NBEA: variants seen among roughly 807,000 people sequenced by gnomAD.
NBEA encodes neurobeachin.
In NBEA, 44 loss-of-function variants were observed where a neutral mutation model predicts 343.4. The ratio of observed to expected loss-of-function variants is 0.13; its 90% CI spans 0.10 to 0.16. NBEA has a LOEUF of 0.16. Among genes scored for constraint, NBEA ranks in the 10% least tolerant of loss-of-function variants. The pLI is 1.00. For missense variants in NBEA, 2,555 were observed against 3,631.3 expected (o/e 0.70, Z 7.62); for synonymous variants, 1,175 against 1,238.7 (o/e 0.95, Z 1.08).
At chr13:35,462,807 A>G (rs946407540) in intron 40 of NBEA, among the ~76,000 whole-genome samples, 1 of 152,124 alleles carries the variant, frequency 6.6e-6, no homozygotes, top group Non-Finnish European at 1.5e-5. Context: ...TTAGAAGGTA[A>G]TTTGTGGAGG....
At chr13:35,084,506 T>C (rs1352285224) in intron 10 of NBEA, among the ~76,000 whole-genome samples, 2 of 152,008 alleles carry the variant, frequency 1.3e-5, no homozygotes, top group Admixed American at 1.3e-4. Flanking sequence ...GAAACGAAGG[T>C]ATAAATAAAA....
intron 8 of NBEA, among the ~76,000 whole-genome samples, chr13:35,061,316 A>C (rs1272226438): frequency 1.3e-5 from 2 of 151,730 alleles, no homozygotes; most frequent in Non-Finnish European, 3.0e-5. Flanking sequence ...TTGGAAAATA[A>C]AATACAGAAA....
At chr13:35,258,823 A>T (rs2032923401) in intron 34 of NBEA, among the ~76,000 whole-genome samples, 1 of 152,194 alleles carries the variant, frequency 6.6e-6, no homozygotes, top group African/African-American at 2.4e-5. Flanking sequence ...GTATGTATTC[A>T]GTGGAAACTG....
Position 35,452,096 on chromosome 13 carries a change from GGAA to G in NBEA, c.6315_6317del (p.Glu2105del), listed in dbSNP as rs1200848195. ...TTATATTTTTGTTGTGATTAGGCAC[GGAA>G]GAAGATGTAGTAAAGTCAAAGAAAA... On this transcript the variant is annotated inframe_deletion, in exon 40 of 59. Transcript: ENST00000379939. 1 of 1,610,396 alleles carries G rather than the reference GGAA, an allele frequency of 6.2e-7. No individual in the cohort carries two copies. The highest frequency in any genetic ancestry group is 1.3e-5 in the African/African-American group (1 of 74,720).
At chr13:35,124,615 T>C (rs1467379765) in intron 17 of NBEA, among the ~76,000 whole-genome samples, 2 of 145,286 alleles carry the variant, frequency 1.4e-5, no homozygotes, top group Non-Finnish European at 3.1e-5. Flanking sequence ...TACACATACA[T>C]ATATATGGAT....
intron 5 of NBEA, among the ~76,000 whole-genome samples, chr13:35,049,485 A>G (rs909442623): frequency 1.3e-5 from 2 of 151,814 alleles, no homozygotes; most frequent in African/African-American, 2.4e-5. Flanking sequence ...TCTTTGTATA[A>G]TGGCTGGGTC....
intron 41 of NBEA, among the ~76,000 whole-genome samples, chr13:35,490,758 C>G (rs1455934165): frequency 2.6e-5 from 4 of 151,814 alleles, no homozygotes; most frequent in Non-Finnish European, 5.9e-5. Flanking sequence ...GTACCTTCAT[C>G]TTCTCAACAC....
intron 10 of NBEA, among the ~76,000 whole-genome samples, chr13:35,081,600 A>G (rs1376752849): frequency 6.6e-6 from 1 of 151,886 alleles, no homozygotes; most frequent in Non-Finnish European, 1.5e-5. Flanking sequence ...TGTGTGAGGC[A>G]TTTGAGAAAA....
At chr13:35,485,095 A>G (rs2076262958) in intron 41 of NBEA, among the ~76,000 whole-genome samples, 1 of 152,080 alleles carries the variant, frequency 6.6e-6, no homozygotes, top group Non-Finnish European at 1.5e-5. Flanking sequence ...GCCAAGGAAT[A>G]TTTTTAAATA....
chr13:35,293,542 T>G (rs190144471), intron 35 of NBEA, among the ~76,000 whole-genome samples: 1 of 152,152 alleles, frequency 6.6e-6, no homozygotes, highest in African/African-American at 2.4e-5. Context: ...AGTACAAGGT[T>G]TTCTACAGAT....
intron 36 of NBEA, among the ~76,000 whole-genome samples, chr13:35,318,734 GC>G (rs778640361): frequency 6.6e-6 from 1 of 151,672 alleles, no homozygotes; most frequent in Non-Finnish European, 1.5e-5. Context: ...CTGGTCCTGG[GC>G]TTTTTTTGTT....
At chr13:35,471,919 C>A (rs1460718439) in intron 40 of NBEA, among the ~76,000 whole-genome samples, 1 of 152,142 alleles carries the variant, frequency 6.6e-6, no homozygotes, top group Non-Finnish European at 1.5e-5. Context: ...CTCTGAACAG[C>A]GGAATTTATC....
chr13:35,491,139 A>G (rs2076485946), intron 41 of NBEA, among the ~76,000 whole-genome samples: 1 of 151,970 alleles, frequency 6.6e-6, no homozygotes, highest in South Asian at 2.1e-4. Flanking sequence ...TTCTGAGTTT[A>G]TGTAGCATCA....
At chr13:35,627,467 G>A (rs2083278705) in intron 48 of NBEA, among the ~76,000 whole-genome samples, 1 of 151,674 alleles carries the variant, frequency 6.6e-6, no homozygotes, top group Admixed American at 6.6e-5. Flanking sequence ...TCTGTTTATG[G>A]AAACTTAGTA....
At chr13:35,212,056 AAC>A (rs1387288178) in intron 33 of NBEA, among the ~76,000 whole-genome samples, 2 of 151,972 alleles carry the variant, frequency 1.3e-5, no homozygotes, top group African/African-American at 4.8e-5. Context: ...ATAGAAGTAT[AAC>A]ACAAATATAG....
intron 18 of NBEA, among the ~76,000 whole-genome samples, chr13:35,148,233 G>C (rs551782077): frequency 1.4e-3 from 217 of 152,260 alleles, no homozygotes; most frequent in Non-Finnish European, 2.0e-3. Context: ...AGGGGAGTGT[G>C]GGTGTACTCA....
chr13:35,248,908 G>A (rs1317597817), intron 34 of NBEA, among the ~76,000 whole-genome samples: 1 of 152,132 alleles, frequency 6.6e-6, no homozygotes, highest in Non-Finnish European at 1.5e-5. Context: ...CCAGCACTTT[G>A]GGAGGCCGAG....
At chr13:35,420,710 T>A (rs569905192) in intron 38 of NBEA, among the ~76,000 whole-genome samples, 1 of 151,972 alleles carries the variant, frequency 6.6e-6, no homozygotes. Context: ...TCATATTATC[T>A]TTTTCACATT....
chr13:35,114,200 A>G (rs1239221691), intron 13 of NBEA, among the ~76,000 whole-genome samples: 3 of 152,066 alleles, frequency 2.0e-5, no homozygotes, highest in Admixed American at 1.3e-4. Context: ...GTTTATATCT[A>G]TGTATATAGG....
Sources: allele counts gnomAD v4.1 joint callset (sites outside exome capture counted in the v4.1 genomes callset), GRCh38; gene constraint gnomAD v4.1.1; transcripts MANE v1.5; gene names NCBI Gene and HGNC (gene_info 2026-07-23, HGNC 2026-07-21).